Variants in C6orf89 observed in about 807,000 individuals in gnomAD.
C6orf89 encodes the protein bombesin receptor-activated protein C6orf89.
C6orf89 carries 29 observed loss-of-function variants against 40.7 expected under a neutral mutation model. That is an observed-to-expected ratio of 0.71 (90% CI 0.53 to 0.97). C6orf89 has a LOEUF of 0.97. Among genes scored for constraint, C6orf89 ranks in the 50% least tolerant of loss-of-function variants. C6orf89 has a pLI of 0.00. For synonymous variants in C6orf89, 165 were observed against 152.2 expected (o/e 1.08, Z -0.62); for missense variants, 392 against 429.1 (o/e 0.91, Z 0.76).
chr6:36,923,203 A>G (rs1762571838), intron 8 of C6orf89, 144 bp from the exon 9 acceptor site: 4 of 605,244 alleles, frequency 6.6e-6, no homozygotes, highest in Non-Finnish European at 1.2e-5. Flanking sequence ...AAAAAAAAGG[A>G]AACTAAATTA....
chr6:36,916,697 C>T, intron 7 of C6orf89, 123 bp downstream of exon 7: 1 of 1,194,470 alleles, frequency 8.4e-7, no homozygotes, highest in Non-Finnish European at 1.2e-6. Flanking sequence ...GAGGGGACAC[C>T]CACACAGTCT....
At chr6:36,914,115 G>A (rs551452799) in intron 4 of C6orf89, among the ~76,000 whole-genome samples, 169 bp from the exon 5 acceptor site, 3 of 152,152 alleles carry the variant, frequency 2.0e-5, no homozygotes, top group Non-Finnish European at 4.4e-5. Flanking sequence ...GAGCTGGACG[G>A]CACCACTGCA....
intron 3 of C6orf89, among the ~76,000 whole-genome samples, chr6:36,901,289 G>GTATTATTATTATTAT (rs1337857767): frequency 5.0e-5 from 4 of 79,494 alleles, no homozygotes; most frequent in African/African-American, 1.9e-4. Flanking sequence ...GCCCCTTTGT[G>GTATTATTATTATTAT]TATTATTATT....
chr6:36,921,990 T>C (rs912422003), intron 8 of C6orf89, among the ~76,000 whole-genome samples: 1 of 152,324 alleles, frequency 6.6e-6, no homozygotes, highest in Non-Finnish European at 1.5e-5. Context: ...ACTGCACCGC[T>C]GCACTCCAGC....
intron 1 of C6orf89, chr6:36,874,762 A>C (rs1351530535): frequency 6.2e-7 from 1 of 1,614,084 alleles, no homozygotes. Flanking sequence ...ATCTGGGGGA[A>C]TTGCCGCCAT....
At chr6:36,899,956 C>T (rs1198922688) in intron 3 of C6orf89, among the ~76,000 whole-genome samples, 1 of 152,180 alleles carries the variant, frequency 6.6e-6, no homozygotes, top group Non-Finnish European at 1.5e-5. Flanking sequence ...GGCGCAATCT[C>T]GGCTCACCGC....
At chr6:36,872,594 A>C (rs982161142) in intron 1 of C6orf89, among the ~76,000 whole-genome samples, 3 of 151,920 alleles carry the variant, frequency 2.0e-5, no homozygotes, top group African/African-American at 7.2e-5. Context: ...CCTAGACTTT[A>C]AGCTCCAAGG....
chr6:36,916,710 T>G, intron 7 of C6orf89, 136 bp downstream of exon 7: 1 of 1,049,814 alleles, frequency 9.5e-7, no homozygotes, highest in Non-Finnish European at 1.4e-6. Context: ...CACAGTCTAG[T>G]TCTCCCCTCC....
upstream of C6orf89, among the ~76,000 whole-genome samples, chr6:36,882,347 T>C (rs1006837977): frequency 4.6e-5 from 7 of 152,232 alleles, no homozygotes; most frequent in African/African-American, 1.7e-4. Context: ...ACAATTTGAA[T>C]GAACTCCATG....
At chr6:36,915,800 G>A (rs963672351) in intron 6 of C6orf89, among the ~76,000 whole-genome samples, 6 of 152,108 alleles carry the variant, frequency 3.9e-5, no homozygotes, top group South Asian at 2.1e-4. Context: ...AGCCAGGATC[G>A]AAACCCCAGT....
At chr6:36,873,150 G>A (rs1431455936) in intron 1 of C6orf89, among the ~76,000 whole-genome samples, 2 of 152,190 alleles carry the variant, frequency 1.3e-5, no homozygotes, top group Non-Finnish European at 2.9e-5. Context: ...ACAGAAAGTA[G>A]CCTTTTGGAA....
At chr6:36,893,265 T>G (rs1333526110) in intron 1 of C6orf89, among the ~76,000 whole-genome samples, 1 of 152,090 alleles carries the variant, frequency 6.6e-6, no homozygotes, top group Non-Finnish European at 1.5e-5. Context: ...GATGAGTTTT[T>G]TTGTTCTTGT....
At position 36,916,436 on chromosome 6, in the gene C6orf89, C is replaced by T. The variant is rs748714460; in HGVS notation, c.696-9C>T. 146 of 1,613,848 alleles carry T rather than the reference C, an allele frequency of 9.0e-5. No homozygotes were observed. The highest frequency in any genetic ancestry group is 1.2e-4 in the Non-Finnish European group (144 of 1,179,914). On this transcript the variant is annotated splice_polypyrimidine_tract_variant and intron_variant, in intron 6 of 8. Transcript: ENST00000480824. ...TTAATTACTTTTTTTCTGTTTCATA[C>T]TTCTACAGGAGGAGACCTCTGAACA...
At chr6:36,907,260 G>A (rs140222490) in intron 4 of C6orf89, among the ~76,000 whole-genome samples, 27 of 150,816 alleles carry the variant, frequency 1.8e-4, no homozygotes, top group African/African-American at 6.7e-4. Context: ...GGAGTTTTTT[G>A]TCCTGGAAAG....
At chr6:36,919,959 G>C (rs111476404) in intron 8 of C6orf89, among the ~76,000 whole-genome samples, 7 of 152,136 alleles carry the variant, frequency 4.6e-5, no homozygotes, top group African/African-American at 1.7e-4. Context: ...AGTTAGGAAG[G>C]ATTCTGGAAA....
At chr6:36,890,377 G>A (rs1331365526) in intron 1 of C6orf89, among the ~76,000 whole-genome samples, 4 of 151,994 alleles carry the variant, frequency 2.6e-5, no homozygotes, top group Admixed American at 6.6e-5. Context: ...TAGATTAATC[G>A]CACAAGTGGT....
chr6:36,899,423 C>T lies in C6orf89; in HGVS notation c.-19-3C>T, dbSNP rs1561863867. 2 of 1,613,668 alleles carry T rather than the reference C, an allele frequency of 1.2e-6. No homozygotes were observed. The highest frequency in any genetic ancestry group is 1.7e-6 in the Non-Finnish European group (2 of 1,179,654). ...ACATTTATTTTCTCTCCGTCTCTCTCAGGGATTTTATATTGGAAGACATGG... is the reference window on the plus strand; with the variant it reads ...ACATTTATTTTCTCTCCGTCTCTCTTAGGGATTTTATATTGGAAGACATGG... On this transcript the variant is annotated splice_region_variant and splice_polypyrimidine_tract_variant and intron_variant, in intron 2 of 8. Transcript: ENST00000480824.
chr6:36,914,947 G>A (rs968394738), intron 6 of C6orf89, among the ~76,000 whole-genome samples: 6 of 152,182 alleles, frequency 3.9e-5, no homozygotes, highest in East Asian at 3.9e-4. Flanking sequence ...CTGAGATCGC[G>A]CCATTGCCCT....
intron 8 of C6orf89, among the ~76,000 whole-genome samples, chr6:36,920,243 G>A (rs1762467262): frequency 1.3e-5 from 2 of 152,226 alleles, no homozygotes. Context: ...GCCTCACATT[G>A]ATGACTCACC....
Sources: allele counts gnomAD v4.1 joint callset (sites outside exome capture counted in the v4.1 genomes callset), GRCh38; gene constraint gnomAD v4.1.1; transcripts MANE v1.5; gene names NCBI Gene and HGNC (gene_info 2026-07-23, HGNC 2026-07-21).